Variants in COL26A1 observed in about 807,000 individuals in gnomAD.
The protein encoded by COL26A1 is collagen alpha-1(XXVI) chain.
In COL26A1, 41 loss-of-function variants were observed where a neutral mutation model predicts 59.3. The ratio of observed to expected loss-of-function variants is 0.69; its 90% CI spans 0.54 to 0.90. COL26A1 has a LOEUF of 0.90. Among genes scored for constraint, COL26A1 ranks in the 40% least tolerant of loss-of-function variants. COL26A1 has a pLI of 0.00. For synonymous variants in COL26A1, 266 were observed against 256.0 expected (o/e 1.04, Z -0.37); for missense variants, 612 against 602.3 (o/e 1.02, Z -0.17).
At chr7:101,516,499 T>G (rs528838500) in intron 3 of COL26A1, among the ~76,000 whole-genome samples, 2 of 152,108 alleles carry the variant, frequency 1.3e-5, no homozygotes, top group Admixed American at 6.5e-5. Flanking sequence ...CTCAAACTCC[T>G]GGGCTCAAGT....
intron 1 of COL26A1, among the ~76,000 whole-genome samples, chr7:101,381,802 C>G (rs1791457368): frequency 6.6e-6 from 1 of 151,986 alleles, no homozygotes; most frequent in Non-Finnish European, 1.5e-5. Context: ...ATAACATTTT[C>G]TCAGGTTTCA....
Position 101,488,386 on chromosome 7 carries a change from A to AT in COL26A1, c.385+40609dup, listed in dbSNP as rs774668616. ...TATATATATATATATATACACACAC[A>AT]TTTTTTTTTTCCAGAGTCTAACTCT... On this transcript the variant is annotated intron_variant, in intron 3 of 12. Transcript: ENST00000313669. Among the ~76,000 whole-genome samples, 774 of 124,782 alleles carry AT rather than the reference A, an allele frequency of 6.2e-3. 8 individuals carry two copies. Among genetic ancestry groups the AT allele is most frequent in the Non-Finnish European group, 0.01 (611 of 58,214 alleles). The allele number at this position is 124,782 out of a possible 152,430, so 81.9% of individuals were successfully genotyped here. A position where few individuals can be genotyped will look rare whatever the true frequency, so the allele number is the denominator to read the frequency against.
intron 5 of COL26A1, among the ~76,000 whole-genome samples, chr7:101,543,114 T>G (rs1795652982): frequency 6.6e-6 from 1 of 151,834 alleles, no homozygotes; most frequent in African/African-American, 2.4e-5. Context: ...CACAGTCCCA[T>G]GCAGGCAGAG....
At chr7:101,547,340 A>G (rs1795759837) in intron 8 of COL26A1, 101 bp downstream of exon 8, 1 of 738,418 alleles carries the variant, frequency 1.4e-6, no homozygotes, top group Non-Finnish European at 2.2e-6. Flanking sequence ...CTGGCGGTCC[A>G]TGGCTTCTGG....
intron 2 of COL26A1, among the ~76,000 whole-genome samples, chr7:101,438,181 G>A (rs905414252): frequency 6.6e-6 from 1 of 151,274 alleles, no homozygotes; most frequent in African/African-American, 2.4e-5. Flanking sequence ...AACCAACATG[G>A]AGAAACCGCA....
At chr7:101,471,571 G>GT (rs71517177) in intron 3 of COL26A1, among the ~76,000 whole-genome samples, 1,099 of 92,960 alleles carry the variant, frequency 0.012, 142 homozygotes, top group African/African-American at 0.029. Flanking sequence ...GTTGTTGTTT[G>GT]TTTTTTTTTT....
At chr7:101,549,831 G>A (rs1440711657) in intron 9 of COL26A1, among the ~76,000 whole-genome samples, 1 of 152,216 alleles carries the variant, frequency 6.6e-6, no homozygotes, top group East Asian at 1.9e-4. Context: ...TACAGAGGGT[G>A]TAGGCAGAGT....
intron 2 of COL26A1, among the ~76,000 whole-genome samples, chr7:101,423,725 A>T (rs1402373227): frequency 4.6e-5 from 7 of 151,426 alleles, no homozygotes; most frequent in African/African-American, 1.7e-4. Flanking sequence ...ACAGAGTGAG[A>T]CTCCGTCGCA....
chr7:101,438,565 G>A (rs1334208863), intron 2 of COL26A1, among the ~76,000 whole-genome samples: 2 of 151,566 alleles, frequency 1.3e-5, no homozygotes, highest in Admixed American at 1.3e-4. Flanking sequence ...AGTCTCTGGT[G>A]GACTCAGTGT....
At chr7:101,457,120 G>C (rs1793490847) in intron 3 of COL26A1, among the ~76,000 whole-genome samples, 1 of 152,090 alleles carries the variant, frequency 6.6e-6, no homozygotes, top group Non-Finnish European at 1.5e-5. Flanking sequence ...TTACTGTTTG[G>C]GGATGCCATC....
chr7:101,432,172 G>A (rs1227677148), intron 2 of COL26A1, among the ~76,000 whole-genome samples: 1 of 152,018 alleles, frequency 6.6e-6, no homozygotes, highest in African/African-American at 2.4e-5. Flanking sequence ...ATGTTGGTTA[G>A]GCTGGTCTCA....
intron 11 of COL26A1, among the ~76,000 whole-genome samples, chr7:101,554,779 A>G (rs1416642678): frequency 6.6e-6 from 1 of 151,840 alleles, no homozygotes; most frequent in Non-Finnish European, 1.5e-5. Context: ...CAAAAACAAA[A>G]AAACCAACCA....
intron 3 of COL26A1, among the ~76,000 whole-genome samples, chr7:101,489,710 T>TTTTTCTTTCTTTCG (rs1563007571): frequency 1.1e-5 from 1 of 90,262 alleles, no homozygotes; most frequent in East Asian, 2.8e-4. Flanking sequence ...TCTTTCTTTC[T>TTTTTCTTTCTTTCG]TTCATTCTTT....
intron 3 of COL26A1, among the ~76,000 whole-genome samples, chr7:101,516,768 G>C (rs1795037165): frequency 1.3e-5 from 2 of 152,196 alleles, no homozygotes; most frequent in African/African-American, 4.8e-5. Context: ...AGGGCCCAGA[G>C]AGATGACTAG....
chr7:101,481,447 A>AAAAAAT (rs1030606372), intron 3 of COL26A1, among the ~76,000 whole-genome samples: 2 of 143,480 alleles, frequency 1.4e-5, no homozygotes, highest in African/African-American at 5.1e-5. Context: ...AATCTCCCAA[A>AAAAAAT]ATATATATAT....
chr7:101,426,237 G>T (rs1035277733), intron 2 of COL26A1, among the ~76,000 whole-genome samples: 1 of 152,136 alleles, frequency 6.6e-6, no homozygotes, highest in Non-Finnish European at 1.5e-5. Flanking sequence ...AACTCGGAAG[G>T]TTCCTGGGAG....
chr7:101,477,342 G>T (rs1260397794), intron 3 of COL26A1, among the ~76,000 whole-genome samples: 1 of 151,518 alleles, frequency 6.6e-6, no homozygotes, highest in Non-Finnish European at 1.5e-5. Context: ...GCGTGTTTGT[G>T]TGTGTGCATT....
intron 1 of COL26A1, among the ~76,000 whole-genome samples, chr7:101,408,142 T>C (rs1333124899): frequency 6.6e-6 from 1 of 152,220 alleles, no homozygotes; most frequent in Non-Finnish European, 1.5e-5. Flanking sequence ...GGTTCACCTA[T>C]ACTGCATCAG....
chr7:101,475,058 G>T (rs1356053354), intron 3 of COL26A1, among the ~76,000 whole-genome samples: 1 of 152,118 alleles, frequency 6.6e-6, no homozygotes, highest in Non-Finnish European at 1.5e-5. Context: ...GCTGGGTGTG[G>T]TGTGGTGGGT....
Sources: gnomAD v4.1 joint callset for allele counts (sites outside exome capture counted in the v4.1 genomes callset) on GRCh38, gnomAD v4.1.1 for gene constraint, MANE v1.5 for transcripts, NCBI Gene and HGNC (gene_info 2026-07-23, HGNC 2026-07-21) for gene names.